SLCO2A1: variants seen among roughly 807,000 people sequenced by gnomAD.
SLCO2A1 encodes solute carrier organic anion transporter family member 2A1.
A neutral mutation model predicts 71.7 loss-of-function variants in SLCO2A1; 60 were observed. That is an observed-to-expected ratio of 0.84 (90% CI 0.68 to 1.04). SLCO2A1 has a LOEUF of 1.04. SLCO2A1 is among the 50% of genes least tolerant of loss of function. SLCO2A1 has a pLI of 0.00. For synonymous variants in SLCO2A1, 308 were observed against 326.7 expected (o/e 0.94, Z 0.62); for missense variants, 745 against 813.4 (o/e 0.92, Z 1.02).
intron 3 of SLCO2A1, among the ~76,000 whole-genome samples, chr3:133,962,119 G>T (rs6804465): frequency 6.6e-6 from 1 of 151,794 alleles, no homozygotes; most frequent in Non-Finnish European, 1.5e-5. Context: ...TCGCTCTGTC[G>T]CCCAGGCTGG....
chr3:133,939,852 CTCTT>C (rs1423698576), intron 11 of SLCO2A1, among the ~76,000 whole-genome samples: 2 of 152,092 alleles, frequency 1.3e-5, no homozygotes, highest in Admixed American at 6.6e-5. Context: ...CTTCTGACCT[CTCTT>C]TCTCCTTCCA....
At chr3:134,014,769 G>A (rs1032434102) in intron 1 of SLCO2A1, among the ~76,000 whole-genome samples, 4 of 152,198 alleles carry the variant, frequency 2.6e-5, no homozygotes, top group Non-Finnish European at 4.4e-5. Flanking sequence ...AGAGTGAGAT[G>A]ACCAGGTGGG....
At chr3:134,020,538 G>A (rs547373925) in intron 1 of SLCO2A1, among the ~76,000 whole-genome samples, 1 of 152,358 alleles carries the variant, frequency 6.6e-6, no homozygotes, top group South Asian at 2.1e-4. Context: ...CCCCATAGAG[G>A]AGCAACGCAG....
intron 12 of SLCO2A1, among the ~76,000 whole-genome samples, chr3:133,937,619 A>G (rs989468009): frequency 6.6e-6 from 1 of 152,184 alleles, no homozygotes; most frequent in African/African-American, 2.4e-5. Context: ...GTCAGAAACG[A>G]CACCTTATAG....
intron 1 of SLCO2A1, among the ~76,000 whole-genome samples, chr3:134,024,364 G>A (rs181957427): frequency 2.2e-4 from 34 of 152,322 alleles, no homozygotes; most frequent in Admixed American, 1.6e-3. Flanking sequence ...ATAGCTGCAG[G>A]ATTTGAGTCA....
chr3:133,993,801 T>C (rs1934904712), intron 1 of SLCO2A1, among the ~76,000 whole-genome samples: 1 of 152,240 alleles, frequency 6.6e-6, no homozygotes, highest in South Asian at 2.1e-4. Flanking sequence ...AACATCAATA[T>C]GGAAACTTCA....
intron 1 of SLCO2A1, among the ~76,000 whole-genome samples, chr3:134,005,481 ATTTTT>A (rs35386403): frequency 7.5e-6 from 1 of 133,918 alleles, no homozygotes; most frequent in Non-Finnish European, 1.6e-5. Flanking sequence ...ATGTGTTATA[ATTTTT>A]TTTTTTTTTT....
At chr3:133,985,734 T>C (rs1266619582) in intron 1 of SLCO2A1, among the ~76,000 whole-genome samples, 2 of 152,236 alleles carry the variant, frequency 1.3e-5, no homozygotes, top group South Asian at 2.1e-4. Flanking sequence ...CAGTTCAAAA[T>C]TGGGGCTCAA....
intron 1 of SLCO2A1, among the ~76,000 whole-genome samples, chr3:133,985,824 G>C (rs1164779371): frequency 2.0e-5 from 3 of 152,206 alleles, no homozygotes; most frequent in African/African-American, 7.2e-5. Context: ...CACCACAGTA[G>C]TCATTCTGGG....
chr3:133,945,803 C>T (rs968588327), intron 9 of SLCO2A1, among the ~76,000 whole-genome samples: 6 of 152,258 alleles, frequency 3.9e-5, no homozygotes, highest in African/African-American at 1.2e-4. Context: ...TGACCTTCTT[C>T]GGGGAGGGTT....
At chr3:133,988,925 C>G (rs562444769) in intron 1 of SLCO2A1, among the ~76,000 whole-genome samples, 19 of 152,324 alleles carry the variant, frequency 1.2e-4, no homozygotes, top group African/African-American at 3.4e-4. Flanking sequence ...GGCAGGGAAT[C>G]TAATGCCAAT....
At chr3:134,013,882 C>A (rs1559958516) in intron 1 of SLCO2A1, among the ~76,000 whole-genome samples, 1 of 151,892 alleles carries the variant, frequency 6.6e-6, no homozygotes, top group African/African-American at 2.4e-5. Flanking sequence ...AGGCCACATC[C>A]CCAGACATCT....
At chr3:133,951,102 C>A (rs780799925) in intron 6 of SLCO2A1, 106 bp downstream of exon 6, 1 of 1,470,924 alleles carries the variant, frequency 6.8e-7, no homozygotes, top group Middle Eastern at 1.7e-4. Context: ...AGATTTCACC[C>A]TGAATTTGCT....
At chr3:134,017,528 A>C (rs1253931523) in intron 1 of SLCO2A1, among the ~76,000 whole-genome samples, 1 of 152,164 alleles carries the variant, frequency 6.6e-6, no homozygotes, top group Non-Finnish European at 1.5e-5. Flanking sequence ...AGCACATGTT[A>C]GTGAACTTAA....
intron 1 of SLCO2A1, among the ~76,000 whole-genome samples, chr3:134,028,403 A>C (rs1935740013): frequency 6.6e-6 from 1 of 152,238 alleles, no homozygotes; most frequent in South Asian, 2.1e-4. Context: ...GTCTGGCCAA[A>C]AATGAGGAGA....
intron 6 of SLCO2A1, chr3:133,949,173 C>A (rs933027914): frequency 5.1e-6 from 3 of 592,886 alleles, no homozygotes; most frequent in Non-Finnish European, 9.1e-6. Flanking sequence ...GTGTTTTGGC[C>A]GACAATCAGA....
At position 134,021,314 on chromosome 3, in the gene SLCO2A1, G is replaced by A. The variant is rs56395555; in HGVS notation, c.96+8393C>T. On this transcript the variant is annotated intron_variant, in intron 1 of 13. Transcript: ENST00000310926. ...AATTTAAAGGAGACTATGGAGTACT[G>A]TGACACTAGGAAAACTTAAAACTTT... is the stretch of plus-strand genomic sequence containing the variant. Among the ~76,000 whole-genome samples the A allele has an allele frequency of 7.4e-3, 1,133 of 152,294 alleles. 22 individuals are homozygous for A. The highest frequency in any genetic ancestry group is 0.027 in the African/African-American group (1,102 of 41,540).
At position 134,025,448 on chromosome 3, in the gene SLCO2A1, C is replaced by T. The variant is rs571551340; in HGVS notation, c.96+4259G>A. ...GCTCACAAATGATATGAGTAAAGTGCTAGCCAAAACAGAAGAAAAAGGGGT... is the reference window on the plus strand; with the variant it reads ...GCTCACAAATGATATGAGTAAAGTGTTAGCCAAAACAGAAGAAAAAGGGGT... On this transcript the variant is annotated intron_variant, in intron 1 of 13. Transcript: ENST00000310926. Among the ~76,000 whole-genome samples, 110 of 152,110 alleles carry T rather than the reference C, an allele frequency of 7.2e-4. 4 individuals carry two copies. The East Asian group carries it at 0.019, about 26-fold the overall frequency.
At chr3:133,997,344 G>A (rs905640953) in intron 1 of SLCO2A1, among the ~76,000 whole-genome samples, 2 of 152,194 alleles carry the variant, frequency 1.3e-5, no homozygotes, top group African/African-American at 4.8e-5. Flanking sequence ...AAGATATGTG[G>A]TGGGTTTAAC....
Sources: allele counts gnomAD v4.1 joint callset (sites outside exome capture counted in the v4.1 genomes callset), GRCh38; gene constraint gnomAD v4.1.1; transcripts MANE v1.5; gene names NCBI Gene and HGNC (gene_info 2026-07-23, HGNC 2026-07-21).